Variants in UBXN4 observed in about 807,000 individuals in gnomAD.
UBXN4 encodes the protein UBX domain-containing protein 4.
In UBXN4, 35 loss-of-function variants were observed where a neutral mutation model predicts 66.2. The observed-to-expected ratio is 0.53, with a 90% CI of 0.40 to 0.70. The LOEUF is 0.70. Among genes scored for constraint, UBXN4 ranks in the 30% least tolerant of loss-of-function variants. UBXN4 has a pLI of 0.00. For missense variants in UBXN4, 533 were observed against 599.8 expected, an observed-to-expected ratio of 0.89 and a Z score of 1.16; for synonymous variants, 203 against 204.5, an observed-to-expected ratio of 0.99 and a Z score of 0.06.
chr2:135,753,459 C>A, intron 2 of UBXN4, 80 bp from the exon 3 acceptor site: 2 of 1,259,782 alleles, frequency 1.6e-6, no homozygotes, highest in Non-Finnish European at 2.1e-6. Flanking sequence ...GTGATTGGTA[C>A]AGTAAATTTT....
chr2:135,743,124 C>A (rs2105488331), intron 1 of UBXN4, among the ~76,000 whole-genome samples: 1 of 152,278 alleles, frequency 6.6e-6, no homozygotes, highest in Middle Eastern at 3.4e-3. Context: ...TCATAATTAA[C>A]TCGTCTTTTA....
At chr2:135,760,101 A>G (rs2077306211) in intron 5 of UBXN4, among the ~76,000 whole-genome samples, 1 of 152,168 alleles carries the variant, frequency 6.6e-6, no homozygotes, top group South Asian at 2.1e-4. Flanking sequence ...GCAGTTAAAT[A>G]TGAGTGTTAA....
chr2:135,762,457 AC>A (rs1255182221), intron 6 of UBXN4, among the ~76,000 whole-genome samples: 2 of 152,148 alleles, frequency 1.3e-5, no homozygotes, highest in Non-Finnish European at 2.9e-5. Context: ...AATATTTTAA[AC>A]CCTGATTTAA....
intron 1 of UBXN4, 34 bp downstream of exon 1, chr2:135,742,045 A>G (rs1382244802): frequency 6.2e-7 from 1 of 1,605,586 alleles, no homozygotes; most frequent in South Asian, 1.1e-5. Flanking sequence ...GGCGGCCGGG[A>G]CACCCCTCCG....
In UBXN4 at chr2:135,784,018, T is replaced by C. The variant is rs1255679593; in HGVS notation, c.*1131T>C. 1 of 120,632 alleles carries C rather than the reference T, an allele frequency of 8.3e-6. No homozygotes were observed. Among genetic ancestry groups the C allele is most frequent in the African/African-American group, 4.3e-5 (1 of 23,308 alleles). The allele number at this position is 120,632 out of a possible 1,614,324, so 7.5% of individuals were successfully genotyped here. A position where few individuals can be genotyped will look rare whatever the true frequency, so the allele number is the denominator to read the frequency against. On this transcript the variant is annotated 3_prime_UTR_variant, in exon 13 of 13. Transcript: ENST00000272638. Reference sequence around the variant, plus strand: ...GAAGAAATTTTCTCAGAGCAAACTTTCTATTTTTTACCTGTGAAATAACAG... The same window carrying C: ...GAAGAAATTTTCTCAGAGCAAACTTCCTATTTTTTACCTGTGAAATAACAG...
At position 135,770,561 on chromosome 2, in the gene UBXN4, T is replaced by C; in HGVS notation, c.658-10T>C. 1.4e-6 allele frequency: 2 copies of C among 1,442,610 alleles called. No individual in the cohort carries two copies. The highest frequency in any genetic ancestry group is 1.8e-6 in the Non-Finnish European group (2 of 1,091,136). 89.4% of individuals were successfully genotyped at this position (1,442,610 alleles called of 1,614,324 possible). A position where few individuals can be genotyped will look rare whatever the true frequency, so the allele number is the denominator to read the frequency against. On this transcript the variant is annotated splice_polypyrimidine_tract_variant and intron_variant, in intron 7 of 12. Coordinates refer to ENST00000272638, the MANE Select transcript of UBXN4 (RefSeq NM_014607.4). ...AGTTTTTGGATCATAAAACTTTTTC[T>C]TTAATTCAGAGAGAAATTAAGAAGG... is the stretch of plus-strand genomic sequence containing the variant.
chr2:135,745,141 C>T (rs2077199221), intron 1 of UBXN4, among the ~76,000 whole-genome samples: 1 of 152,224 alleles, frequency 6.6e-6, no homozygotes, highest in African/African-American at 2.4e-5. Context: ...TCCCAGTGTT[C>T]TGCATCTGAT....
At chr2:135,756,712 G>A (rs2077280664) in intron 5 of UBXN4, among the ~76,000 whole-genome samples, 1 of 152,040 alleles carries the variant, frequency 6.6e-6, no homozygotes, top group African/African-American at 2.4e-5. Flanking sequence ...ATAGACACAT[G>A]TTTCCCTCTG....
At chr2:135,747,765 G>A (rs1559537134) in intron 1 of UBXN4, 1 of 446,720 alleles carries the variant, frequency 2.2e-6, no homozygotes. Flanking sequence ...CTCCTATGTA[G>A]GTGGGATTAC....
intron 10 of UBXN4, 132 bp downstream of exon 10, chr2:135,776,483 T>C (rs2105508233): frequency 3.1e-6 from 2 of 654,104 alleles, no homozygotes; most frequent in East Asian, 2.8e-5. Flanking sequence ...AAGACGCCTC[T>C]GAGATATTGT....
rs778720533 is a variant in UBXN4, at chr2:135,772,536, A to C, written c.939A>C (p.Ala313=). ...AEMEVKRESY[A]RERSTVARIQ... ...TGGAAGTCAAGAGGGAATCTTATGC[A>C]AGAGAAAGAAGGTACTATATTTCAT... The change falls in exon 9 of 13, where the codon GCA becomes GCC. Residue 313 remains alanine (A), a synonymous_variant. Coordinates refer to ENST00000272638, the MANE Select transcript of UBXN4 (RefSeq NM_014607.4). The C allele has an allele frequency of 2.0e-5, 32 of 1,613,558 alleles. 1 individual carries two copies. The African/African-American group carries it at 3.3e-4, about 17-fold the overall frequency.
In UBXN4 at chr2:135,748,358, C is replaced by A. The variant is rs563194693; in HGVS notation, c.174C>A (p.Ile58=). The A allele has an allele frequency of 6.3e-7, 1 of 1,590,314 alleles. No homozygotes were observed. Residue 58 remains isoleucine (I), a synonymous_variant, in exon 2 of 13, where the codon ATC becomes ATA. Coordinates refer to ENST00000272638, the MANE Select transcript of UBXN4 (RefSeq NM_014607.4). ...CAAACAGTTTTGTTGCTATTAAAATCGATACCAAAAGGTTTGTTTATGTTT... is the reference window on the plus strand; with the variant it reads ...CAAACAGTTTTGTTGCTATTAAAATAGATACCAAAAGGTTTGTTTATGTTT... ...ASSNSFVAIK[I]DTKSEACLQF...
At chr2:135,769,741 A>G in intron 6 of UBXN4, 28 bp from the exon 7 acceptor site, 1 of 1,414,846 alleles carries the variant, frequency 7.1e-7, no homozygotes, top group Non-Finnish European at 9.6e-7. Context: ...TGTCTCAATT[A>G]GTGGTGGTTT....
Position 135,779,001 on chromosome 2 carries a change from G to A in UBXN4, c.1107G>A (p.Arg369=). The A allele has an allele frequency of 1.9e-6, 3 of 1,613,540 alleles. No individual in the cohort carries two copies. In the South Asian group the frequency reaches 3.3e-5, roughly 18 times the overall value. The change falls in exon 11 of 13, where the codon AGG becomes AGA. Residue 369 remains arginine, a synonymous_variant. Transcript: ENST00000272638. Reference sequence around the variant, plus strand: ...CGTTAGCAACCATGTTTCCCAGGAGGGAATTTACCAAAGAAGATTATAAAA... The same window carrying A: ...CGTTAGCAACCATGTTTCCCAGGAGAGAATTTACCAAAGAAGATTATAAAA... ...NFSLATMFPR[R]EFTKEDYKKK...
chr2:135,783,180 T>C lies in UBXN4; in HGVS notation c.*293T>C. ...TCTTATTTAGTATTTCATATGCCCATTAGCCCTATGCTTCAGATGACACGT... is the reference window on the plus strand; with the variant it reads ...TCTTATTTAGTATTTCATATGCCCACTAGCCCTATGCTTCAGATGACACGT... On this transcript the variant is annotated 3_prime_UTR_variant, in exon 13 of 13. Coordinates refer to ENST00000272638, the MANE Select transcript of UBXN4 (RefSeq NM_014607.4). 1 of 222,682 alleles carries C rather than the reference T, an allele frequency of 4.5e-6. No individual in the cohort carries two copies. Among genetic ancestry groups the C allele is most frequent in the East Asian group, 8.9e-5 (1 of 11,174 alleles). 13.8% of individuals were successfully genotyped at this position (222,682 alleles called of 1,614,324 possible).
intron 4 of UBXN4, among the ~76,000 whole-genome samples, chr2:135,754,893 T>G (rs1294537493): frequency 6.6e-6 from 1 of 152,194 alleles, no homozygotes; most frequent in Non-Finnish European, 1.5e-5. Flanking sequence ...CGAGCGATTT[T>G]TCTGCCTCAG....
chr2:135,745,969 C>T (rs1276419301), intron 1 of UBXN4, among the ~76,000 whole-genome samples: 2 of 147,212 alleles, frequency 1.4e-5, no homozygotes, highest in African/African-American at 5.0e-5. Context: ...CCTCCACTTC[C>T]CTGGTTCAAG....
chr2:135,779,672 G>A (rs2077437653), intron 11 of UBXN4, among the ~76,000 whole-genome samples: 1 of 151,640 alleles, frequency 6.6e-6, no homozygotes, highest in South Asian at 2.1e-4. Flanking sequence ...AAATCAGCAA[G>A]AAAGACTCTT....
In UBXN4 at chr2:135,770,553, ACTTTTT is replaced by A; in HGVS notation, c.658-13_658-8del. On this transcript the variant is annotated splice_polypyrimidine_tract_variant and intron_variant, in intron 7 of 12. Transcript: ENST00000272638. ...GATTATCAAGTTTTTGGATCATAAA[ACTTTTT>A]CTTTAATTCAGAGAGAAATTAAGAA... 1.4e-6 allele frequency: 2 copies of A among 1,421,392 alleles called. No individual in the cohort carries two copies. Among genetic ancestry groups the A allele is most frequent in the Non-Finnish European group, 1.9e-6 (2 of 1,076,716 alleles). The allele number at this position is 1,421,392 out of a possible 1,614,324, so 88.0% of individuals were successfully genotyped here.
Sources: allele counts gnomAD v4.1 joint callset (sites outside exome capture counted in the v4.1 genomes callset), GRCh38; gene constraint gnomAD v4.1.1; transcripts MANE v1.5; gene names NCBI Gene and HGNC (gene_info 2026-07-23, HGNC 2026-07-21).